MIS18A: variants seen among roughly 807,000 people sequenced by gnomAD.
MIS18A encodes the protein protein Mis18-alpha.
A neutral mutation model predicts 25.0 loss-of-function variants in MIS18A; 14 were observed. That is an observed-to-expected ratio of 0.56 (90% CI 0.37 to 0.88). The LOEUF (loss-of-function observed/expected upper bound fraction) is 0.88. MIS18A is among the 40% of genes least tolerant of loss of function. The pLI, the probability that MIS18A is intolerant of heterozygous loss-of-function variation, is 0.00. For synonymous variants in MIS18A, 134 were observed against 118.6 expected (o/e 1.13, Z -0.84); for missense variants, 292 against 290.8 (o/e 1.00, Z -0.03).
At chr21:32,274,389 G>C (rs997423061) in intron 2 of MIS18A, among the ~76,000 whole-genome samples, 1 of 151,820 alleles carries the variant, frequency 6.6e-6, no homozygotes, top group African/African-American at 2.4e-5. Context: ...ATTTTTAGTG[G>C]AGACGGGGTT....
chr21:32,275,311 G>A (rs555930859), intron 1 of MIS18A, among the ~76,000 whole-genome samples: 2 of 152,242 alleles, frequency 1.3e-5, no homozygotes, highest in Non-Finnish European at 2.9e-5. Context: ...AAATTAGAGG[G>A]GAAAATTCAT....
the MIS18A span, among the ~76,000 whole-genome samples, chr21:32,249,371 C>T: frequency 6.6e-6 from 1 of 152,156 alleles, no homozygotes; most frequent in Non-Finnish European, 1.5e-5. Context: ...GCTGCCCGGG[C>T]GGGGAAAGAC....
At chr21:32,237,109 A>G in the MIS18A span, among the ~76,000 whole-genome samples, 1 of 150,600 alleles carries the variant, frequency 6.6e-6, no homozygotes, top group African/African-American at 2.5e-5. Flanking sequence ...TGTGGGCAGA[A>G]GTGACGTGTG....
the MIS18A span, among the ~76,000 whole-genome samples, chr21:32,201,927 T>C: frequency 2.6e-5 from 4 of 151,852 alleles, no homozygotes; most frequent in African/African-American, 7.3e-5. Flanking sequence ...GAAAGCCGAG[T>C]ATTAGCTGAT....
the MIS18A span, among the ~76,000 whole-genome samples, chr21:32,254,547 A>C: frequency 0.036 from 5,532 of 152,244 alleles, 146 homozygotes; most frequent in Non-Finnish European, 0.053. Context: ...AAAAAAAAGT[A>C]AACTGCTTTA....
chr21:32,253,747 A>T, the MIS18A span, among the ~76,000 whole-genome samples: 5 of 152,176 alleles, frequency 3.3e-5, no homozygotes, highest in Non-Finnish European at 7.4e-5. Flanking sequence ...CTGCTATCTG[A>T]TTAGCCCAAA....
the MIS18A span, among the ~76,000 whole-genome samples, chr21:32,196,381 T>TCTCAG: frequency 6.6e-6 from 1 of 151,944 alleles, no homozygotes; most frequent in Non-Finnish European, 1.5e-5. Context: ...AGGACTTAGG[T>TCTCAG]CTCAGCTCTC....
intron 2 of MIS18A, 48 bp from the exon 3 acceptor site, chr21:32,270,577 T>G: frequency 6.8e-7 from 1 of 1,473,366 alleles, no homozygotes; most frequent in African/African-American, 1.4e-5. Context: ...AGCAACTCAT[T>G]ATAATAAAAA....
the MIS18A span, among the ~76,000 whole-genome samples, chr21:32,243,990 C>G: frequency 2.6e-5 from 4 of 151,924 alleles, no homozygotes; most frequent in African/African-American, 9.7e-5. Flanking sequence ...GAAGTCATAA[C>G]ACTATAAAAC....
At chr21:32,241,034 A>AG in the MIS18A span, among the ~76,000 whole-genome samples, 1 of 152,202 alleles carries the variant, frequency 6.6e-6, no homozygotes, top group African/African-American at 2.4e-5. Context: ...AAGCTGTTAA[A>AG]ATGTGGCCCT....
At chr21:32,190,579 A>T in the MIS18A span, among the ~76,000 whole-genome samples, 8 of 152,180 alleles carry the variant, frequency 5.3e-5, no homozygotes, top group African/African-American at 1.9e-4. Flanking sequence ...ACACCCACAT[A>T]TTAAACCCAC....
At chr21:32,207,285 T>C in the MIS18A span, among the ~76,000 whole-genome samples, 1 of 152,034 alleles carries the variant, frequency 6.6e-6, no homozygotes, top group Non-Finnish European at 1.5e-5. Flanking sequence ...TAATGATAAA[T>C]ACCAAAAGAA....
At chr21:32,173,108 C>T in the MIS18A span, among the ~76,000 whole-genome samples, 3 of 152,078 alleles carry the variant, frequency 2.0e-5, no homozygotes, top group Non-Finnish European at 4.4e-5. Flanking sequence ...ATAAATCATA[C>T]TTCATCAAAA....
At chr21:32,177,539 T>C in the MIS18A span, among the ~76,000 whole-genome samples, 3 of 152,186 alleles carry the variant, frequency 2.0e-5, no homozygotes, top group Non-Finnish European at 4.4e-5. Context: ...CATAATTGTA[T>C]GTATAAAACT....
chr21:32,235,786 C>T, the MIS18A span, among the ~76,000 whole-genome samples: 1 of 152,080 alleles, frequency 6.6e-6, no homozygotes, highest in African/African-American at 2.4e-5. Flanking sequence ...CTGTCCTCAA[C>T]CCACCATGGA....
the MIS18A span, among the ~76,000 whole-genome samples, chr21:32,230,227 C>T: frequency 7.2e-5 from 11 of 152,254 alleles, no homozygotes; most frequent in African/African-American, 2.4e-4. Flanking sequence ...TGGTTGCTCC[C>T]TAAATTTTCA....
the MIS18A span, among the ~76,000 whole-genome samples, chr21:32,168,349 A>G: frequency 6.6e-6 from 1 of 152,228 alleles, no homozygotes; most frequent in Non-Finnish European, 1.5e-5. Context: ...ATAAATGTCA[A>G]CAGAGAAATC....
chr21:32,276,460 CAAAAAAAAA>C lies in MIS18A; in HGVS notation c.335-1573_335-1565del, dbSNP rs558102501. ...TGGGCAACACAGTGAGACTCTGTCT[CAAAAAAAAA>C]AAAAAAAAAAAAAAAAAGGAAAATA... On this transcript the variant is annotated intron_variant, in intron 1 of 4. Transcript: ENST00000290130. Among the ~76,000 whole-genome samples, 63 of 72,734 alleles carry C rather than the reference CAAAAAAAAA, an allele frequency of 8.7e-4. 1 individual carries two copies. Among genetic ancestry groups the C allele is most frequent in the African/African-American group, 2.6e-3 (56 of 21,328 alleles). 47.7% of individuals were successfully genotyped at this position (72,734 alleles called of 152,430 possible). A position where few individuals can be genotyped will look rare whatever the true frequency, so the allele number is the denominator to read the frequency against.
At chr21:32,276,296 T>C (rs1384381937) in intron 1 of MIS18A, among the ~76,000 whole-genome samples, 1 of 151,556 alleles carries the variant, frequency 6.6e-6, no homozygotes. Flanking sequence ...CCGTCTCTAC[T>C]AAAGATACAA....
Sources: allele counts gnomAD v4.1 joint callset (sites outside exome capture counted in the v4.1 genomes callset), GRCh38; gene constraint gnomAD v4.1.1; transcripts MANE v1.5; gene names NCBI Gene and HGNC (gene_info 2026-07-23, HGNC 2026-07-21).